PALLD: variants seen among roughly 807,000 people sequenced by gnomAD.
PALLD encodes the protein palladin.
In PALLD, 61 loss-of-function variants were observed where a neutral mutation model predicts 123.5. The observed-to-expected ratio is 0.49, with a 90% CI of 0.40 to 0.61. PALLD has a LOEUF of 0.61. Ranked by LOEUF, PALLD falls within the 20% of genes least tolerant of loss-of-function variation. The pLI is 0.00. For missense variants in PALLD, 1,273 were observed against 1,377.0 expected, an observed-to-expected ratio of 0.92 and a Z score of 1.20; for synonymous variants, 465 against 496.4, an observed-to-expected ratio of 0.94 and a Z score of 0.84.
intron 2 of PALLD, among the ~76,000 whole-genome samples, chr4:168,647,688 G>C (rs1486602129): frequency 6.9e-6 from 1 of 145,740 alleles, no homozygotes; most frequent in Non-Finnish European, 1.5e-5. Context: ...GGCTGAGACA[G>C]AAGAATAGCT....
chr4:168,690,420 T>A (rs1229771203), intron 6 of PALLD, among the ~76,000 whole-genome samples, 183 bp from the exon 7 acceptor site: 1 of 152,232 alleles, frequency 6.6e-6, no homozygotes, highest in African/African-American at 2.4e-5. Context: ...AAGCTGATAA[T>A]CGGTGGGTCC....
chr4:168,775,339 T>C (rs1735035626), intron 10 of PALLD, among the ~76,000 whole-genome samples: 1 of 152,216 alleles, frequency 6.6e-6, no homozygotes, highest in Non-Finnish European at 1.5e-5. Context: ...TCTGTATATC[T>C]ACCTTGGTGA....
At chr4:168,759,476 T>G (rs1732514510) in intron 10 of PALLD, among the ~76,000 whole-genome samples, 1 of 151,798 alleles carries the variant, frequency 6.6e-6, no homozygotes, top group South Asian at 2.1e-4. Context: ...ACTTCCTGTT[T>G]CAAACCACAG....
chr4:168,892,109 T>C (rs2151198938), intron 11 of PALLD, among the ~76,000 whole-genome samples: 1 of 152,376 alleles, frequency 6.6e-6, no homozygotes, highest in South Asian at 2.1e-4. Flanking sequence ...AGTTTTTGTT[T>C]GTTTTTTCAT....
intron 2 of PALLD, among the ~76,000 whole-genome samples, chr4:168,568,279 G>C (rs1297457842): frequency 6.6e-6 from 1 of 151,950 alleles, no homozygotes; most frequent in Non-Finnish European, 1.5e-5. Context: ...AAATTCTATA[G>C]CAGAACACTG....
At chr4:168,539,438 A>C (rs1031556789) in intron 2 of PALLD, among the ~76,000 whole-genome samples, 17 of 152,030 alleles carry the variant, frequency 1.1e-4, no homozygotes, top group African/African-American at 4.1e-4. Flanking sequence ...AAATACAAAA[A>C]TTAGCCACCC....
At chr4:168,827,709 ACT>A (rs139217362) in intron 10 of PALLD, among the ~76,000 whole-genome samples, 88 of 152,322 alleles carry the variant, frequency 5.8e-4, no homozygotes, top group African/African-American at 1.9e-3. Context: ...AGATTCTGTG[ACT>A]CTAAAAAATA....
chr4:168,652,812 G>A (rs190773800), intron 2 of PALLD, among the ~76,000 whole-genome samples: 1 of 152,268 alleles, frequency 6.6e-6, no homozygotes, highest in East Asian at 1.9e-4. Context: ...TACAGCTAGT[G>A]TGTCCCCAAT....
intron 2 of PALLD, among the ~76,000 whole-genome samples, chr4:168,513,027 A>G (rs1026228771): frequency 3.3e-5 from 5 of 152,092 alleles, no homozygotes; most frequent in Admixed American, 1.3e-4. Flanking sequence ...TACCCATGTA[A>G]CAAACCTGCA....
At chr4:168,699,111 A>T (rs1467763616) in intron 8 of PALLD, among the ~76,000 whole-genome samples, 1 of 152,100 alleles carries the variant, frequency 6.6e-6, no homozygotes, top group African/African-American at 2.4e-5. Flanking sequence ...CAGAGTCTTG[A>T]TCTGTTGCCC....
intron 2 of PALLD, among the ~76,000 whole-genome samples, chr4:168,591,060 G>A (rs1268680875): frequency 6.6e-6 from 1 of 151,872 alleles, no homozygotes; most frequent in Non-Finnish European, 1.5e-5. Context: ...TGCACTTTTA[G>A]TAGAGACAGA....
At chr4:168,786,236 G>A (rs1449293017) in intron 10 of PALLD, among the ~76,000 whole-genome samples, 3 of 152,040 alleles carry the variant, frequency 2.0e-5, no homozygotes, top group African/African-American at 4.8e-5. Flanking sequence ...GCTAAGGCAG[G>A]AGAATCGCTT....
At chr4:168,849,950 C>A (rs1184668114) in intron 10 of PALLD, among the ~76,000 whole-genome samples, 2 of 152,140 alleles carry the variant, frequency 1.3e-5, no homozygotes, top group Non-Finnish European at 2.9e-5. Context: ...ATTATGTATA[C>A]TTACGAATGC....
At position 168,794,492 on chromosome 4, in the gene PALLD, ACG is replaced by A. The variant is rs796411268; in HGVS notation, c.1964+82571_1964+82572del. On this transcript the variant is annotated intron_variant, in intron 10 of 21. Transcript: ENST00000505667. ...TACGTGCACACGCACACACACATGC[ACG>A]CACACACACACGCACACACACACAC... is the stretch of plus-strand genomic sequence containing the variant. 4.3e-3 allele frequency among the ~76,000 whole-genome samples: 599 copies of A among 138,102 alleles called. 3 individuals carry two copies. The highest frequency in any genetic ancestry group is 0.014 in the African/African-American group (498 of 34,772). The allele number at this position is 138,102 out of a possible 152,430, so 90.6% of individuals were successfully genotyped here. A position where few individuals can be genotyped will look rare whatever the true frequency, so the allele number is the denominator to read the frequency against.
At chr4:168,570,232 T>C (rs1768836139) in intron 2 of PALLD, among the ~76,000 whole-genome samples, 1 of 152,150 alleles carries the variant, frequency 6.6e-6, no homozygotes, top group Admixed American at 6.6e-5. Context: ...AACGGGCGGA[T>C]TTTATTTCAA....
At chr4:168,812,861 C>T (rs1006265182) in intron 10 of PALLD, among the ~76,000 whole-genome samples, 1 of 152,036 alleles carries the variant, frequency 6.6e-6, no homozygotes. Flanking sequence ...TCCTTCTTTC[C>T]CCATCAAAAC....
intron 10 of PALLD, among the ~76,000 whole-genome samples, chr4:168,714,695 C>CGT (rs1260052447): frequency 6.6e-6 from 1 of 151,956 alleles, no homozygotes; most frequent in Non-Finnish European, 1.5e-5. Context: ...TATTTGGTGG[C>CGT]GTTATGGCAG....
rs528906372 is a variant in PALLD, at chr4:168,641,506, ACTGTGGTGCTCAGAGC to A, written c.909-26680_909-26665del. On this transcript the variant is annotated intron_variant, in intron 2 of 21. Transcript: ENST00000505667. ...CTCTCTGATGACCCTAAGACCCAGG[ACTGTGGTGCTCAGAGC>A]CTGCCACCAACCCTGGTTCCGTCCT... 1.3e-3 allele frequency among the ~76,000 whole-genome samples: 200 copies of A among 152,242 alleles called. 2 individuals carry two copies. In the East Asian group the frequency reaches 0.038, roughly 29 times the overall value.
chr4:168,849,304 G>A (rs2150968930), intron 10 of PALLD, among the ~76,000 whole-genome samples: 1 of 152,336 alleles, frequency 6.6e-6, no homozygotes, highest in East Asian at 1.9e-4. Context: ...GGGTTATGTT[G>A]TTTGGATGTT....
Sources: allele counts gnomAD v4.1 joint callset (sites outside exome capture counted in the v4.1 genomes callset), GRCh38; gene constraint gnomAD v4.1.1; transcripts MANE v1.5; gene names NCBI Gene and HGNC (gene_info 2026-07-23, HGNC 2026-07-21).